The following ROBO1 variants were observed in gnomAD, a reference collection of about 807,000 sequenced individuals.
ROBO1 encodes the protein roundabout homolog 1.
A neutral mutation model predicts 195.9 loss-of-function variants in ROBO1; 149 were observed. The ratio of observed to expected loss-of-function variants is 0.76; its 90% CI spans 0.67 to 0.87. The LOEUF is 0.87. ROBO1 is among the 40% of genes least tolerant of loss of function. The pLI is 0.00. For synonymous variants in ROBO1, 816 were observed against 733.2 expected (o/e 1.11, Z -1.82); for missense variants, 1,933 against 2,068.3 (o/e 0.93, Z 1.27).
chr3:79,156,354 G>T (rs182343091), intron 2 of ROBO1, among the ~76,000 whole-genome samples: 46 of 151,454 alleles, frequency 3.0e-4, no homozygotes, highest in Non-Finnish European at 1.5e-5. Flanking sequence ...TTTTTGGTAA[G>T]TATTTATTGG....
At chr3:79,097,807 G>A (rs2079597824) in intron 3 of ROBO1, among the ~76,000 whole-genome samples, 1 of 151,112 alleles carries the variant, frequency 6.6e-6, no homozygotes, top group Non-Finnish European at 1.5e-5. Context: ...TATTATATAT[G>A]TTATTTTATA....
At chr3:79,731,616 A>C (rs1703151748) in intron 1 of ROBO1, among the ~76,000 whole-genome samples, 1 of 152,156 alleles carries the variant, frequency 6.6e-6, no homozygotes, top group African/African-American at 2.4e-5. Context: ...AACAATAAAA[A>C]GCATTACATA....
rs549196791 is a variant in ROBO1 at position 79,657,272 on chromosome 3, G to T, written c.-50-67311C>A. Among the ~76,000 whole-genome samples the T allele has an allele frequency of 2.3e-4, 35 of 152,136 alleles. 1 individual carries two copies. In the South Asian group the frequency reaches 6.9e-3, roughly 30 times the overall value. ...AATCTCAAAAGAAGAAATACACAAT[G>T]CTGAATAAGCATTTTGATGCTTTTT... On this transcript the variant is annotated intron_variant, in intron 1 of 30. Coordinates refer to ENST00000464233, the MANE Select transcript of ROBO1 (RefSeq NM_002941.4).
At chr3:79,006,344 C>T (rs899663837) in intron 3 of ROBO1, among the ~76,000 whole-genome samples, 1 of 151,850 alleles carries the variant, frequency 6.6e-6, no homozygotes, top group Non-Finnish European at 1.5e-5. Flanking sequence ...GGGGCAAACA[C>T]CAGAAAAATG....
chr3:79,564,974 C>A (rs1021611429), intron 2 of ROBO1, among the ~76,000 whole-genome samples: 4 of 151,994 alleles, frequency 2.6e-5, no homozygotes, highest in African/African-American at 7.2e-5. Context: ...CAAAAAGAAG[C>A]AATCAATTAA....
intron 2 of ROBO1, among the ~76,000 whole-genome samples, chr3:79,286,717 T>C (rs551367183): frequency 1.9e-4 from 29 of 152,262 alleles, no homozygotes; most frequent in Non-Finnish European, 3.7e-4. Context: ...AAGTGAGATA[T>C]CTCAATATGA....
intron 3 of ROBO1, among the ~76,000 whole-genome samples, chr3:79,022,572 A>G (rs2078123435): frequency 6.6e-6 from 1 of 152,222 alleles, no homozygotes; most frequent in African/African-American, 2.4e-5. Flanking sequence ...GAGTGTACAC[A>G]TGTGGACAGG....
At chr3:79,594,311 G>A (rs1944096086) in intron 1 of ROBO1, among the ~76,000 whole-genome samples, 1 of 151,920 alleles carries the variant, frequency 6.6e-6, no homozygotes, top group Non-Finnish European at 1.5e-5. Context: ...ACAAGAAAAA[G>A]CACAACACCT....
In ROBO1 at chr3:78,629,549, A is replaced by G. The variant is rs144054925; in HGVS notation, c.3626+1612T>C. On this transcript the variant is annotated intron_variant, in intron 25 of 30. Coordinates refer to ENST00000464233, the MANE Select transcript of ROBO1 (RefSeq NM_002941.4). ...TCTACAAAAAAATAAAAATAAACTT[A>G]GCTGGGTGCTGTGGTACAAGCCTGT... is the stretch of plus-strand genomic sequence containing the variant. Among the ~76,000 whole-genome samples the G allele has an allele frequency of 7.9e-5, 12 of 152,196 alleles. No individual in the cohort carries two copies. In the East Asian group the frequency reaches 2.3e-3, roughly 29 times the overall value.
chr3:79,083,058 G>C (rs778582450), intron 3 of ROBO1, among the ~76,000 whole-genome samples: 6 of 152,082 alleles, frequency 3.9e-5, no homozygotes, highest in Non-Finnish European at 7.4e-5. Context: ...TTAGCAGGGT[G>C]TGGTGGTGCA....
chr3:79,126,500 T>C (rs2080218179), intron 2 of ROBO1, among the ~76,000 whole-genome samples: 1 of 152,114 alleles, frequency 6.6e-6, no homozygotes, highest in South Asian at 2.1e-4. Context: ...CTGTCATCTA[T>C]ATGTAAGATA....
At chr3:78,746,627 G>T in intron 5 of ROBO1, 116 bp downstream of exon 5, 1 of 800,304 alleles carries the variant, frequency 1.2e-6, no homozygotes. Context: ...GCTGAACATG[G>T]GAGCTGACGC....
At chr3:79,718,499 T>C (rs1177004201) in intron 1 of ROBO1, among the ~76,000 whole-genome samples, 1 of 152,140 alleles carries the variant, frequency 6.6e-6, no homozygotes, top group East Asian at 1.9e-4. Context: ...ATGGGATGTT[T>C]CCATTCTTTG....
intron 1 of ROBO1, among the ~76,000 whole-genome samples, chr3:79,720,608 C>T (rs6803042): frequency 0.61 from 93,218 of 151,946 alleles, 29,139 homozygotes; most frequent in East Asian, 0.91. Flanking sequence ...AGTAACAAGA[C>T]AAGAGAGAGT....
At chr3:79,624,970 G>T (rs1392762732) in intron 1 of ROBO1, among the ~76,000 whole-genome samples, 2 of 152,114 alleles carry the variant, frequency 1.3e-5, no homozygotes, top group Non-Finnish European at 2.9e-5. Flanking sequence ...CTCAACAAAT[G>T]CAAAAGAACT....
rs575780996 is a variant in ROBO1 at position 78,982,365 on chromosome 3, C to T, written c.173-43438G>A. Among the ~76,000 whole-genome samples the T allele has an allele frequency of 9.8e-4, 149 of 152,266 alleles. 1 individual carries two copies. The highest frequency in any genetic ancestry group is 1.4e-3 in the Non-Finnish European group (93 of 68,022). ...TTTCTCCTGTTAATCCATCCATTGT[C>T]AGTTAATTACAGTGAAGCTTCAGAG... On this transcript the variant is annotated intron_variant, in intron 3 of 30. Coordinates refer to ENST00000464233, the MANE Select transcript of ROBO1 (RefSeq NM_002941.4).
chr3:79,713,521 T>G (rs1448043137), intron 1 of ROBO1, among the ~76,000 whole-genome samples: 1 of 152,124 alleles, frequency 6.6e-6, no homozygotes, highest in Admixed American at 6.6e-5. Flanking sequence ...AGGTAGTAAC[T>G]GCAGATGGAG....
intron 2 of ROBO1, among the ~76,000 whole-genome samples, chr3:79,193,914 A>G (rs1264394828): frequency 6.6e-6 from 1 of 151,650 alleles, no homozygotes; most frequent in East Asian, 1.9e-4. Context: ...CAAAAGAGAA[A>G]AAGAGGTCAA....
At chr3:79,619,291 G>A (rs1944928576) in intron 1 of ROBO1, among the ~76,000 whole-genome samples, 1 of 152,042 alleles carries the variant, frequency 6.6e-6, no homozygotes, top group Non-Finnish European at 1.5e-5. Context: ...CTACCTTTCT[G>A]TTTAAACTTA....
Sources: allele counts gnomAD v4.1 joint callset (sites outside exome capture counted in the v4.1 genomes callset), GRCh38; gene constraint gnomAD v4.1.1; transcripts MANE v1.5; gene names NCBI Gene and HGNC (gene_info 2026-07-23, HGNC 2026-07-21).